Variants in MALRD1 observed in about 807,000 individuals in gnomAD.
The protein encoded by MALRD1 is MAM and LDL-receptor class A domain-containing protein 1.
Under a neutral mutation model 242.1 loss-of-function variants are expected in MALRD1, and 247 were observed. The ratio of observed to expected loss-of-function variants is 1.02; its 90% CI spans 0.92 to 1.13. The LOEUF is 1.13. MALRD1 is among the 50% of genes most tolerant of loss of function. The pLI is 0.00. For missense variants in MALRD1, 2,989 were observed against 2,533.1 expected, an observed-to-expected ratio of 1.18 and a Z score of -3.86; for synonymous variants, 995 against 866.6, an observed-to-expected ratio of 1.15 and a Z score of -2.60.
intron 12 of MALRD1, among the ~76,000 whole-genome samples, chr10:19,163,551 A>G (rs2131498401): frequency 1.3e-5 from 2 of 152,258 alleles, no homozygotes; most frequent in African/African-American, 4.8e-5. Flanking sequence ...ACTATTGGGT[A>G]CAATGCTTAG....
chr10:19,078,847 G>T (rs1340576060), intron 2 of MALRD1, among the ~76,000 whole-genome samples: 1 of 151,360 alleles, frequency 6.6e-6, no homozygotes, highest in East Asian at 2.0e-4. Flanking sequence ...ATTTATGTAA[G>T]GTTAGAAGTT....
intron 35 of MALRD1, among the ~76,000 whole-genome samples, chr10:19,615,073 G>C (rs923181985): frequency 3.3e-5 from 5 of 152,018 alleles, no homozygotes; most frequent in African/African-American, 9.7e-5. Flanking sequence ...GTTTCAAATA[G>C]TTCCAAGGAG....
chr10:19,421,099 G>C (rs1162123966), intron 28 of MALRD1, among the ~76,000 whole-genome samples: 1 of 152,168 alleles, frequency 6.6e-6, no homozygotes, highest in Non-Finnish European at 1.5e-5. Flanking sequence ...GAGAGATCTT[G>C]CTCTGTAATC....
chr10:19,265,719 T>G (rs1839945944), intron 19 of MALRD1, among the ~76,000 whole-genome samples: 1 of 152,112 alleles, frequency 6.6e-6, no homozygotes. Flanking sequence ...GTTTTGTATA[T>G]GACTGTTAGG....
chr10:19,634,292 A>G (rs1442208374), intron 36 of MALRD1, among the ~76,000 whole-genome samples: 1 of 152,302 alleles, frequency 6.6e-6, no homozygotes, highest in African/African-American at 2.4e-5. Flanking sequence ...AGAAGAACGA[A>G]AATGTCAGCT....
At position 19,380,277 on chromosome 10, in the gene MALRD1, C is replaced by CTTT. The variant is rs11449066; in HGVS notation, c.4442-7238_4442-7236dup. ...GGTGTGAGCCACTGCGGCCAGCCTT[C>CTTT]TTTTTTTTTTTTTTTGATTGAATGA... On this transcript the variant is annotated intron_variant, in intron 26 of 39. Transcript: ENST00000454679. 1.7e-3 allele frequency among the ~76,000 whole-genome samples: 235 copies of CTTT among 140,676 alleles called. 2 individuals carry two copies. The highest frequency in any genetic ancestry group is 5.9e-3 in the African/African-American group (225 of 38,070). The allele number at this position is 140,676 out of a possible 152,430, so 92.3% of individuals were successfully genotyped here.
chr10:19,680,375 C>G (rs1297944914), intron 36 of MALRD1, among the ~76,000 whole-genome samples: 1 of 152,044 alleles, frequency 6.6e-6, no homozygotes, highest in Non-Finnish European at 1.5e-5. Context: ...TGAATTGACC[C>G]CTTTACCATT....
chr10:19,320,415 G>T (rs1430143337), intron 21 of MALRD1, among the ~76,000 whole-genome samples: 1 of 151,866 alleles, frequency 6.6e-6, no homozygotes, highest in Non-Finnish European at 1.5e-5. Flanking sequence ...CTTTTTTATG[G>T]CTGCACAGTA....
intron 34 of MALRD1, among the ~76,000 whole-genome samples, chr10:19,605,160 A>G (rs1045837680): frequency 9.9e-6 from 1 of 101,418 alleles, no homozygotes; most frequent in Non-Finnish European, 2.0e-5. Flanking sequence ...TTTTTTTATT[A>G]TTATTTTTTT....
chr10:19,654,568 G>T (rs1391209246), intron 36 of MALRD1, among the ~76,000 whole-genome samples: 1 of 152,178 alleles, frequency 6.6e-6, no homozygotes, highest in African/African-American at 2.4e-5. Flanking sequence ...ACCTTTGCTG[G>T]TAGTAAATGA....
At chr10:19,255,863 C>G (rs74121407) in intron 18 of MALRD1, among the ~76,000 whole-genome samples, 6,079 of 152,028 alleles carry the variant, frequency 0.04, 207 homozygotes, top group East Asian at 0.17. Flanking sequence ...TTGAGCAAAT[C>G]ACATTCTCTA....
chr10:19,244,629 C>A (rs12261636), intron 18 of MALRD1, among the ~76,000 whole-genome samples: 14,145 of 152,104 alleles, frequency 0.093, 944 homozygotes, highest in African/African-American at 0.19. Context: ...ACTAGGAGAG[C>A]TCCAAGGCTA....
intron 21 of MALRD1, among the ~76,000 whole-genome samples, chr10:19,308,390 T>C (rs1246899845): frequency 6.6e-6 from 1 of 151,550 alleles, no homozygotes; most frequent in Admixed American, 6.6e-5. Context: ...TCTATACTCA[T>C]TCTACAGTGA....
At chr10:19,619,883 C>A (rs917979982) in intron 36 of MALRD1, among the ~76,000 whole-genome samples, 2 of 151,912 alleles carry the variant, frequency 1.3e-5, no homozygotes, top group African/African-American at 4.8e-5. Context: ...CAGTGGCTCA[C>A]CCTCACCCTC....
At chr10:19,508,389 C>T (rs1382107117) in intron 31 of MALRD1, among the ~76,000 whole-genome samples, 2 of 152,076 alleles carry the variant, frequency 1.3e-5, no homozygotes, top group African/African-American at 4.8e-5. Flanking sequence ...TTTTAAAACA[C>T]TGTGATGTAA....
At chr10:19,661,289 A>G (rs545782792) in intron 36 of MALRD1, among the ~76,000 whole-genome samples, 14 of 152,232 alleles carry the variant, frequency 9.2e-5, no homozygotes, top group Non-Finnish European at 1.9e-4. Flanking sequence ...TACTGGGTAT[A>G]TACCCAAAGG....
intron 32 of MALRD1, among the ~76,000 whole-genome samples, chr10:19,551,429 C>T (rs1406609411): frequency 6.6e-6 from 1 of 152,092 alleles, no homozygotes; most frequent in Non-Finnish European, 1.5e-5. Flanking sequence ...TATAGGAACG[C>T]TACTGATTTT....
chr10:19,143,488 A>G (rs1440552074), intron 10 of MALRD1, among the ~76,000 whole-genome samples: 1 of 152,204 alleles, frequency 6.6e-6, no homozygotes, highest in Non-Finnish European at 1.5e-5. Context: ...TGCTGCCCTA[A>G]CAGTGCAATA....
chr10:19,675,003 C>T (rs1205544339), intron 36 of MALRD1, among the ~76,000 whole-genome samples: 4 of 151,840 alleles, frequency 2.6e-5, no homozygotes, highest in African/African-American at 4.8e-5. Context: ...TCAGCCATAA[C>T]ATCATGCCAT....
Sources: gnomAD v4.1 joint callset for allele counts (sites outside exome capture counted in the v4.1 genomes callset) on GRCh38, gnomAD v4.1.1 for gene constraint, MANE v1.5 for transcripts, NCBI Gene and HGNC (gene_info 2026-07-23, HGNC 2026-07-21) for gene names.